Variants in ONECUT1 observed in about 807,000 individuals in gnomAD.
ONECUT1 encodes hepatocyte nuclear factor 6.
Under a neutral mutation model 25.6 loss-of-function variants are expected in ONECUT1, and 12 were observed. The ratio of observed to expected loss-of-function variants is 0.47; its 90% CI spans 0.30 to 0.76. The LOEUF is 0.76. Among genes scored for constraint, ONECUT1 ranks in the 30% least tolerant of loss-of-function variants. The pLI is 0.07. For missense variants in ONECUT1, 620 were observed against 651.2 expected, an observed-to-expected ratio of 0.95 and a Z score of 0.52; for synonymous variants, 285 against 270.2, an observed-to-expected ratio of 1.05 and a Z score of -0.54.
At position 52,788,632 on chromosome 15, in the gene ONECUT1, G is replaced by C; in HGVS notation, c.1105+148C>G. ...AATTTGCTCCCACAGCCCTGTGCTG[G>C]CCCTTCCAGGCACAGGGAGTCCCCC... On this transcript the variant is annotated intron_variant, in intron 1 of 1. Transcript: ENST00000305901. The surrounding 1 kb of genome is among the most constrained non-coding windows in gnomAD (Gnocchi z 4.3). The C allele has an allele frequency of 4.8e-6, 4 of 833,078 alleles. No individual in the cohort carries two copies. The highest frequency in any genetic ancestry group is 7.3e-6 in the Non-Finnish European group (4 of 545,988). 51.6% of individuals were successfully genotyped at this position (833,078 alleles called of 1,614,324 possible). A position where few individuals can be genotyped will look rare whatever the true frequency, so the allele number is the denominator to read the frequency against.
chr15:52,780,482 A>T, intron 1 of ONECUT1: 1 of 1,068,120 alleles, frequency 9.4e-7, no homozygotes, highest in Non-Finnish European at 1.3e-6. Context: ...TAACCGCATT[A>T]GTGTGACAAA....
At chr15:52,785,029 C>T (rs2083864990) in intron 1 of ONECUT1, among the ~76,000 whole-genome samples, 1 of 152,242 alleles carries the variant, frequency 6.6e-6, no homozygotes, top group South Asian at 2.1e-4. Flanking sequence ...CTGCGCTTGA[C>T]TCCTTCTCCC....
In ONECUT1 at chr15:52,788,448, G is replaced by T. The variant is rs555078719; in HGVS notation, c.1105+332C>A. On this transcript the variant is annotated intron_variant, in intron 1 of 1. Transcript: ENST00000305901. The surrounding 1 kb of genome is among the most constrained non-coding windows in gnomAD (Gnocchi z 4.3). ...CCGGATCGCTGAACTGAGAGGTGGC[G>T]CAGAGTGTCTCACCAGGTGCGGGGA... The T allele has an allele frequency of 2.8e-4, 82 of 295,828 alleles. No homozygotes were observed. The highest frequency in any genetic ancestry group is 1.5e-3 in the African/African-American group (73 of 47,452). The allele number at this position is 295,828 out of a possible 1,614,324, so 18.3% of individuals were successfully genotyped here.
chr15:52,781,865 T>C (rs1319287263), intron 1 of ONECUT1, among the ~76,000 whole-genome samples: 1 of 152,224 alleles, frequency 6.6e-6, no homozygotes, highest in Non-Finnish European at 1.5e-5. Flanking sequence ...GAGTCTTCAA[T>C]GAGAACATCT....
intron 1 of ONECUT1, among the ~76,000 whole-genome samples, chr15:52,766,893 A>G (rs2083737799): frequency 6.6e-6 from 1 of 152,146 alleles, no homozygotes; most frequent in African/African-American, 2.4e-5. Context: ...GAGTCAGTGA[A>G]TAAAACATGG....
chr15:52,777,739 A>AC lies in ONECUT1; in HGVS notation c.1105+11040_1105+11041insG, dbSNP rs1566992423. ...ACACACACACACACACACACACACA[A>AC]AAAAACATGTAAAGTTATTTGTTCT... On this transcript the variant is annotated intron_variant, in intron 1 of 1. Transcript: ENST00000305901. Among the ~76,000 whole-genome samples the AC allele has an allele frequency of 2.6e-3, 297 of 116,066 alleles. 4 individuals carry two copies. Among genetic ancestry groups the AC allele is most frequent in the South Asian group, 6.1e-3 (24 of 3,964 alleles). 76.1% of individuals were successfully genotyped at this position (116,066 alleles called of 152,430 possible).
intron 1 of ONECUT1, among the ~76,000 whole-genome samples, chr15:52,783,460 G>C (rs547078553): frequency 6.6e-6 from 1 of 152,172 alleles, no homozygotes. Flanking sequence ...TCTGCCTACC[G>C]GGGCGAAGAG....
At chr15:52,757,959 G>T in intron 1 of ONECUT1, 112 bp from the exon 2 acceptor site, 1 of 1,130,682 alleles carries the variant, frequency 8.8e-7, no homozygotes. Context: ...CTTTCTGTTT[G>T]CTGACCTCTG....
chr15:52,772,086 C>T (rs867131616), intron 1 of ONECUT1, among the ~76,000 whole-genome samples: 32 of 152,122 alleles, frequency 2.1e-4, no homozygotes, highest in African/African-American at 7.2e-4. Flanking sequence ...CATAGACAAC[C>T]TGGCAGAGGA....
intron 1 of ONECUT1, among the ~76,000 whole-genome samples, chr15:52,777,724 AC>A (rs2083810358): frequency 4.2e-5 from 5 of 118,296 alleles, no homozygotes; most frequent in East Asian, 5.8e-4. Context: ...ACACACACAC[AC>A]ACACACACAC....
At chr15:52,783,859 T>G (rs1417422869) in intron 1 of ONECUT1, among the ~76,000 whole-genome samples, 3 of 152,232 alleles carry the variant, frequency 2.0e-5, no homozygotes, top group Non-Finnish European at 4.4e-5. Flanking sequence ...AAGATGAGAA[T>G]TTTGTTTTCA....
At chr15:52,781,691 G>T (rs1596055738) in intron 1 of ONECUT1, among the ~76,000 whole-genome samples, 2 of 152,312 alleles carry the variant, frequency 1.3e-5, no homozygotes, top group East Asian at 3.9e-4. Context: ...AAACTTGGCT[G>T]CACATCAAAA....
chr15:52,779,009 T>C (rs866833732), intron 1 of ONECUT1, among the ~76,000 whole-genome samples: 1 of 151,868 alleles, frequency 6.6e-6, no homozygotes, highest in Admixed American at 6.6e-5. Flanking sequence ...TTTTTTTTTT[T>C]GTAACTGAAG....
rs1555416122 is a variant in ONECUT1, at chr15:52,777,737, C to CAAAAAAAAAAAAAAAA, written c.1105+11042_1105+11043insTTTTTTTTTTTTTTTT. On this transcript the variant is annotated intron_variant, in intron 1 of 1. Transcript: ENST00000305901. ...ACACACACACACACACACACACACACAAAAAAACATGTAAAGTTATTTGTT... is the reference window on the plus strand; with the variant it reads ...ACACACACACACACACACACACACACAAAAAAAAAAAAAAAAAAAAAAACATGTAAAGTTATTTGTT... Among the ~76,000 whole-genome samples, 80 of 103,408 alleles carry CAAAAAAAAAAAAAAAA rather than the reference C, an allele frequency of 7.7e-4. 2 individuals are homozygous for CAAAAAAAAAAAAAAAA. Among genetic ancestry groups the CAAAAAAAAAAAAAAAA allele is most frequent in the South Asian group, 1.4e-3 (4 of 2,892 alleles). The allele number at this position is 103,408 out of a possible 152,430, so 67.8% of individuals were successfully genotyped here. A position where few individuals can be genotyped will look rare whatever the true frequency, so the allele number is the denominator to read the frequency against.
In ONECUT1 at chr15:52,784,850, C is replaced by G. The variant is rs1483608134; in HGVS notation, c.1105+3930G>C. Among the ~76,000 whole-genome samples the G allele has an allele frequency of 6.6e-6, 1 of 152,228 alleles. No individual in the cohort carries two copies. Among genetic ancestry groups the G allele is most frequent in the Non-Finnish European group, 1.5e-5 (1 of 68,028 alleles). On this transcript the variant is annotated intron_variant, in intron 1 of 1. Coordinates refer to ENST00000305901, the MANE Select transcript of ONECUT1 (RefSeq NM_004498.4). The surrounding 1 kb of genome is among the most constrained non-coding windows in gnomAD (Gnocchi z 5.0). Reference sequence around the variant, plus strand: ...CTCCTTGGTCTCCGTAGGAGGCCATCCTAGGCCTTCGGAGGAGGCGCTCCC... The same window carrying G: ...CTCCTTGGTCTCCGTAGGAGGCCATGCTAGGCCTTCGGAGGAGGCGCTCCC...
chr15:52,789,114 G>A lies in ONECUT1; in HGVS notation c.771C>T (p.Asn257=), dbSNP rs144697338. ...CCAGGAGTTGCCCGTGGCCCTGGGCGTTCAGGTGGGCGTGGGGATGGTGCG... is the reference window on the plus strand; with the variant it reads ...CCAGGAGTTGCCCGTGGCCCTGGGCATTCAGGTGGGCGTGGGGATGGTGCG... ...LPPHHPHAHL[N]AQGHGQLLGT... is the part of the protein sequence containing the mutation. The change falls in exon 1 of 2, where the codon AAC becomes AAT. Residue 257 remains asparagine (N), a synonymous_variant. Transcript: ENST00000305901. This position sits in a 1 kb window ranked among gnomAD's most constrained non-coding sequence, Gnocchi z 4.1. The A allele has an allele frequency of 2.3e-5, 37 of 1,601,116 alleles. No individual in the cohort carries two copies. The African/African-American group carries it at 3.7e-4, about 16-fold the overall frequency.
chr15:52,761,997 G>A (rs2083708787), intron 1 of ONECUT1, among the ~76,000 whole-genome samples: 1 of 152,188 alleles, frequency 6.6e-6, no homozygotes, highest in South Asian at 2.1e-4. Context: ...GAGTTCAGGG[G>A]AGAGATCTGG....
Position 52,774,178 on chromosome 15 carries a change from T to C in ONECUT1, c.1105+14602A>G, listed in dbSNP as rs543531279. On this transcript the variant is annotated intron_variant, in intron 1 of 1. Coordinates refer to ENST00000305901, the MANE Select transcript of ONECUT1 (RefSeq NM_004498.4). Reference sequence around the variant, plus strand: ...ACACACACACACAGAGGGTTATCTGTGTGGGGTGCTGTGGGTGATTCTTTT... The same window carrying C: ...ACACACACACACAGAGGGTTATCTGCGTGGGGTGCTGTGGGTGATTCTTTT... 1.1e-4 allele frequency among the ~76,000 whole-genome samples: 17 copies of C among 151,544 alleles called. No homozygotes were observed. In the East Asian group the frequency reaches 3.1e-3, roughly 28 times the overall value.
chr15:52,785,294 C>T (rs1259042742), intron 1 of ONECUT1, among the ~76,000 whole-genome samples: 1 of 152,272 alleles, frequency 6.6e-6, no homozygotes, highest in African/African-American at 2.4e-5. Flanking sequence ...TCAGGGCAAA[C>T]ACAGCCCAGG....
Sources: gnomAD v4.1 joint callset for allele counts (sites outside exome capture counted in the v4.1 genomes callset) on GRCh38, gnomAD v4.1.1 for gene constraint, Gnocchi (gnomAD v3.1) non-coding constraint, MANE v1.5 for transcripts, NCBI Gene and HGNC (gene_info 2026-07-23, HGNC 2026-07-21) for gene names.